CRKL: variants seen among roughly 807,000 people sequenced by gnomAD.
CRKL encodes crk-like protein.
CRKL carries 3 observed loss-of-function variants against 23.0 expected under a neutral mutation model. The ratio of observed to expected loss-of-function variants is 0.13; its 90% CI spans 0.06 to 0.34. The LOEUF (loss-of-function observed/expected upper bound fraction) is 0.34. CRKL is among the 10% of genes least tolerant of loss of function. CRKL has a pLI of 1.00. For synonymous variants in CRKL, 188 were observed against 160.7 expected, an observed-to-expected ratio of 1.17 and a Z score of -1.28; for missense variants, 256 against 394.5, an observed-to-expected ratio of 0.65 and a Z score of 2.97.
chr22:20,921,132 C>T lies in CRKL; in HGVS notation c.311+2887C>T, dbSNP rs1028869476. 5.9e-5 allele frequency among the ~76,000 whole-genome samples: 9 copies of T among 152,318 alleles called. No individual in the cohort carries two copies. The South Asian group carries it at 8.3e-4, about 14-fold the overall frequency. On this transcript the variant is annotated intron_variant, in intron 1 of 2. Transcript: ENST00000354336. ...GCCAAACGGAAAACTCAGTGTAATG[C>T]TTCTTCGCATCCCAAACAGGGTACA...
chr22:20,920,498 C>CAA (rs370186040), intron 1 of CRKL, among the ~76,000 whole-genome samples: 22 of 133,684 alleles, frequency 1.6e-4, no homozygotes, highest in South Asian at 4.7e-4. Context: ...GACTCTGTCT[C>CAA]AAAAAAAAAA....
At chr22:20,946,394 C>T (rs984669939) in intron 2 of CRKL, among the ~76,000 whole-genome samples, 6 of 152,174 alleles carry the variant, frequency 3.9e-5, no homozygotes, top group African/African-American at 1.4e-4. Context: ...ACTAGTGTCC[C>T]TGGCATATGT....
At chr22:20,943,818 C>G (rs1018272715) in intron 2 of CRKL, among the ~76,000 whole-genome samples, 1 of 89,868 alleles carries the variant, frequency 1.1e-5, no homozygotes, top group Non-Finnish European at 2.4e-5. Context: ...CATAGTGAGA[C>G]TCCCACGTGT....
intron 1 of CRKL, among the ~76,000 whole-genome samples, chr22:20,931,525 C>G (rs1411558179): frequency 1.3e-5 from 2 of 152,168 alleles, no homozygotes; most frequent in African/African-American, 4.8e-5. Flanking sequence ...ATGCATTATG[C>G]CATTAATTCT....
chr22:20,941,684 T>G lies in CRKL; in HGVS notation c.777+7440T>G, dbSNP rs762246566. On this transcript the variant is annotated intron_variant, in intron 2 of 2. Transcript: ENST00000354336. ...ATATCAGCTCACTGCAACCTCTGCC[T>G]CCCGGGTTCAAGCAGTTCTCTGCCT... Among the ~76,000 whole-genome samples, 55 of 140,864 alleles carry G rather than the reference T, an allele frequency of 3.9e-4. No individual in the cohort carries two copies. The Middle Eastern group carries it at 0.011, about 28-fold the overall frequency. 92.4% of individuals were successfully genotyped at this position (140,864 alleles called of 152,430 possible). A position where few individuals can be genotyped will look rare whatever the true frequency, so the allele number is the denominator to read the frequency against.
At chr22:20,918,289 G>T (rs769663177) in intron 1 of CRKL, 44 bp downstream of exon 1, 1 of 1,595,418 alleles carries the variant, frequency 6.3e-7, no homozygotes, top group African/African-American at 1.3e-5. Context: ...GTCGAGAACC[G>T]GGTCTGTCGA....
rs906943170 is a variant in CRKL at position 20,918,260 on chromosome 22, T to A, written c.311+15T>A. On this transcript the variant is annotated intron_variant, in intron 1 of 2. Coordinates refer to ENST00000354336, the MANE Select transcript of CRKL (RefSeq NM_005207.4). ...CCTGCGCCCAGGTACGCGAGAGCCC[T>A]CCCCGACCGCGGAGGAAGGTCGAGA... 1 of 1,611,272 alleles carries A rather than the reference T, an allele frequency of 6.2e-7. No individual in the cohort carries two copies. Among genetic ancestry groups the A allele is most frequent in the Non-Finnish European group, 8.5e-7 (1 of 1,179,110 alleles).
At chr22:20,926,369 C>G (rs1921204235) in intron 1 of CRKL, among the ~76,000 whole-genome samples, 1 of 152,016 alleles carries the variant, frequency 6.6e-6, no homozygotes, top group Admixed American at 6.6e-5. Context: ...TTCTCTGTTA[C>G]TGGAGAGGGA....
rs530535795 is a variant in CRKL at position 20,943,337 on chromosome 22, T to G, written c.778-6374T>G. Among the ~76,000 whole-genome samples the G allele has an allele frequency of 6.0e-4, 91 of 152,020 alleles. 1 individual carries two copies. Among genetic ancestry groups the G allele is most frequent in the African/African-American group, 2.0e-3 (84 of 41,494 alleles). On this transcript the variant is annotated intron_variant, in intron 2 of 2. Coordinates refer to ENST00000354336, the MANE Select transcript of CRKL (RefSeq NM_005207.4). Reference sequence around the variant, plus strand: ...TCACTGCAACTTCTGCCTTCCAGATTCAAGCAATTCTCCTGCCTCAGCCTC... The same window carrying G: ...TCACTGCAACTTCTGCCTTCCAGATGCAAGCAATTCTCCTGCCTCAGCCTC...
intron 2 of CRKL, among the ~76,000 whole-genome samples, chr22:20,947,676 ATTTTTTTTTTT>A (rs59126952): frequency 2.2e-5 from 2 of 90,528 alleles, no homozygotes; most frequent in Non-Finnish European, 4.2e-5. Flanking sequence ...TCTTTTTTTC[ATTTTTTTTTTT>A]TTTTTTTTTT....
In CRKL at chr22:20,918,260, T is replaced by C. The variant is rs906943170; in HGVS notation, c.311+15T>C. On this transcript the variant is annotated intron_variant, in intron 1 of 2. Transcript: ENST00000354336. ...CCTGCGCCCAGGTACGCGAGAGCCC[T>C]CCCCGACCGCGGAGGAAGGTCGAGA... is the stretch of plus-strand genomic sequence containing the variant. The C allele has an allele frequency of 3.1e-6, 5 of 1,611,154 alleles. No homozygotes were observed. The African/African-American group carries it at 6.7e-5, about 22-fold the overall frequency.
At chr22:20,927,031 G>GA (rs1355371820) in intron 1 of CRKL, among the ~76,000 whole-genome samples, 1 of 141,590 alleles carries the variant, frequency 7.1e-6, no homozygotes, top group African/African-American at 2.7e-5. Context: ...AGAATGGCTT[G>GA]AACCTGGGAG....
rs1007617008 is a variant in CRKL at position 20,950,517 on chromosome 22, G to A, written c.*672G>A. On this transcript the variant is annotated 3_prime_UTR_variant, in exon 3 of 3. Transcript: ENST00000354336. ...CAGTCTCCGCCTCCTGAGTTCAAGC[G>A]ATTCTCCTGCCTCAGCCTCCCAAGT... is the stretch of plus-strand genomic sequence containing the variant. The A allele has an allele frequency of 4.4e-6, 1 of 227,026 alleles. No homozygotes were observed. Among genetic ancestry groups the A allele is most frequent in the Non-Finnish European group, 8.8e-6 (1 of 114,282 alleles). The allele number at this position is 227,026 out of a possible 1,614,324, so 14.1% of individuals were successfully genotyped here.
intron 2 of CRKL, among the ~76,000 whole-genome samples, chr22:20,946,630 AT>A (rs1174506885): frequency 1.3e-5 from 2 of 151,852 alleles, no homozygotes; most frequent in Non-Finnish European, 2.9e-5. Context: ...CCACATCAAG[AT>A]TGGTCTGCCC....
intron 2 of CRKL, among the ~76,000 whole-genome samples, chr22:20,948,338 G>GT (rs201436324): frequency 0.014 from 2,193 of 152,104 alleles, 18 homozygotes; most frequent in Non-Finnish European, 0.023. Flanking sequence ...ACCCTTGTTG[G>GT]TGACAAGGTT....
chr22:20,922,815 G>A (rs1383306529), intron 1 of CRKL, among the ~76,000 whole-genome samples: 1 of 151,968 alleles, frequency 6.6e-6, no homozygotes, highest in Non-Finnish European at 1.5e-5. Flanking sequence ...TGGGATTACA[G>A]GCATGCACTG....
In CRKL at chr22:20,951,388, T is replaced by C. The variant is rs144243028; in HGVS notation, c.*1543T>C. On this transcript the variant is annotated 3_prime_UTR_variant, in exon 3 of 3. Coordinates refer to ENST00000354336, the MANE Select transcript of CRKL (RefSeq NM_005207.4). ...TAACTAGTTTATCATTAACCACTTA[T>C]CAGTGTATTGATGTTAAAGCATTTC... 1,672 of 231,214 alleles carry C rather than the reference T, an allele frequency of 7.2e-3. 13 individuals carry two copies. Among genetic ancestry groups the C allele is most frequent in the East Asian group, 0.045 (724 of 16,260 alleles). The allele number at this position is 231,214 out of a possible 1,614,324, so 14.3% of individuals were successfully genotyped here. A position where few individuals can be genotyped will look rare whatever the true frequency, so the allele number is the denominator to read the frequency against.
At position 20,917,445 on chromosome 22, in the gene CRKL, C is replaced by T. The variant is rs1339468600; in HGVS notation, c.-490C>T. ...GCTGAGCGGAGGGGGAGGTGGCTGC[C>T]GCTTCTCCCGCGTCCGCCATTTTGT... On this transcript the variant is annotated 5_prime_UTR_variant, in exon 1 of 3. Coordinates refer to ENST00000354336, the MANE Select transcript of CRKL (RefSeq NM_005207.4). 2.2e-5 allele frequency: 5 copies of T among 228,430 alleles called. No individual in the cohort carries two copies. Among genetic ancestry groups the T allele is most frequent in the East Asian group, 6.2e-5 (1 of 16,240 alleles). 14.2% of individuals were successfully genotyped at this position (228,430 alleles called of 1,614,324 possible).
intron 2 of CRKL, among the ~76,000 whole-genome samples, chr22:20,939,867 C>T (rs1243883508): frequency 1.3e-5 from 2 of 150,644 alleles, no homozygotes; most frequent in East Asian, 2.0e-4. Flanking sequence ...CGGCTCACTG[C>T]ACCCTCTACC....
Sources: allele counts gnomAD v4.1 joint callset (sites outside exome capture counted in the v4.1 genomes callset), GRCh38; gene constraint gnomAD v4.1.1; transcripts MANE v1.5; gene names NCBI Gene and HGNC (gene_info 2026-07-23, HGNC 2026-07-21).